ASH1L: variants seen among roughly 807,000 people sequenced by gnomAD.
ASH1L encodes the protein ASH1 like histone lysine methyltransferase.
In ASH1L, 23 loss-of-function variants were observed where a neutral mutation model predicts 269.0. The ratio of observed to expected loss-of-function variants is 0.09; its 90% CI spans 0.06 to 0.12. The LOEUF (loss-of-function observed/expected upper bound fraction) is 0.12. Among genes scored for constraint, ASH1L ranks in the 10% least tolerant of loss-of-function variants. ASH1L has a pLI of 1.00. For missense variants in ASH1L, 2,912 were observed against 3,567.8 expected, an observed-to-expected ratio of 0.82 and a Z score of 4.68; for synonymous variants, 1,187 against 1,253.5, an observed-to-expected ratio of 0.95 and a Z score of 1.12.
chr1:155,403,458 C>T (rs970285811), intron 6 of ASH1L, among the ~76,000 whole-genome samples: 2 of 152,170 alleles, frequency 1.3e-5, no homozygotes, highest in Non-Finnish European at 2.9e-5. Context: ...CTGTAAAACT[C>T]TAGACAAATT....
At chr1:155,513,765 G>A (rs1007748016) in intron 2 of ASH1L, among the ~76,000 whole-genome samples, 26 of 151,980 alleles carry the variant, frequency 1.7e-4, no homozygotes, top group Non-Finnish European at 2.6e-4. Context: ...AAAGCTGGAA[G>A]CAATACCAGT....
At position 155,419,131 on chromosome 1, in the gene ASH1L, T is replaced by G. The variant is rs568215403; in HGVS notation, c.5829-3208A>C. Among the ~76,000 whole-genome samples the G allele has an allele frequency of 1.9e-3, 285 of 152,150 alleles. 1 individual carries two copies. Among genetic ancestry groups the G allele is most frequent in the Non-Finnish European group, 3.3e-3 (225 of 68,006 alleles). On this transcript the variant is annotated intron_variant, in intron 5 of 27. Coordinates refer to ENST00000392403, the MANE Select transcript of ASH1L (RefSeq NM_018489.3). The stretch of plus-strand genomic sequence containing the variant: ...CGTTATAAAAAGGGGCCGAGCACAG[T>G]GGCTCATGCCTGTAATCCCAGCACT...
chr1:155,516,770 T>C (rs1354965314), intron 2 of ASH1L, among the ~76,000 whole-genome samples: 1 of 152,012 alleles, frequency 6.6e-6, no homozygotes, highest in African/African-American at 2.4e-5. Flanking sequence ...AAAAAAAAAT[T>C]AAAATTAATA....
In ASH1L at chr1:155,337,765, C is replaced by A. The variant is rs757654497; in HGVS notation, c.8804-14G>T. ...TCACATCAATGGCTGAAAACAGAAC[C>A]AAGGAGGCTCATCAAAATACCAATC... On this transcript the variant is annotated splice_polypyrimidine_tract_variant and intron_variant, in intron 27 of 27. Transcript: ENST00000392403. The A allele has an allele frequency of 3.7e-6, 6 of 1,609,300 alleles. No individual in the cohort carries two copies. Among genetic ancestry groups the A allele is most frequent in the South Asian group, 3.3e-5 (3 of 90,938 alleles).
chr1:155,338,196 C>G lies in ASH1L; in HGVS notation c.8696G>C (p.Ser2899Thr), dbSNP rs906842292. The G allele has an allele frequency of 6.2e-7, 1 of 1,614,028 alleles. No homozygotes were observed. Among genetic ancestry groups the G allele is most frequent in the South Asian group, 1.1e-5 (1 of 91,076 alleles). Reference sequence around the variant, plus strand: ...GGTACAGGTTGACTGGGGTTCTTGACTACTTTCCTCTGTTTTTTTTTCACC... The same window carrying G: ...GGTACAGGTTGACTGGGGTTCTTGAGTACTTTCCTCTGTTTTTTTTTCACC... ...SEGEKKTEES[S>T]QEPQSTCTPE... Residue 2899 changes from serine (S) to threonine (T), a missense_variant, in exon 27 of 28, where the codon AGT becomes ACT. By Grantham distance (58) the Ser-to-Thr change is moderately conservative. Transcript: ENST00000392403.
intron 2 of ASH1L, among the ~76,000 whole-genome samples, chr1:155,519,705 C>A (rs1284473572): frequency 1.3e-5 from 2 of 152,084 alleles, no homozygotes; most frequent in African/African-American, 2.4e-5. Flanking sequence ...ATTGCCCAGG[C>A]TGGAGTGCAG....
At chr1:155,374,449 C>T (rs898253196) in intron 10 of ASH1L, among the ~76,000 whole-genome samples, 6 of 152,176 alleles carry the variant, frequency 3.9e-5, no homozygotes, top group African/African-American at 9.7e-5. Context: ...AAAGGGCACA[C>T]GGCACACAGT....
chr1:155,343,590 AC>A lies in ASH1L; in HGVS notation c.8120+13del, dbSNP rs1263356169. On this transcript the variant is annotated intron_variant, in intron 23 of 27. Coordinates refer to ENST00000392403, the MANE Select transcript of ASH1L (RefSeq NM_018489.3). This position sits in a 1 kb window ranked among gnomAD's most constrained non-coding sequence, Gnocchi z 6.1. Reference sequence around the variant, plus strand: ...AGCACGGCTGGAAGAAAAGGACAGGACCTCAGCACGTACTTTTCATTCTTCC... The same window carrying A: ...AGCACGGCTGGAAGAAAAGGACAGGACTCAGCACGTACTTTTCATTCTTCC... 1.9e-6 allele frequency: 3 copies of A among 1,613,958 alleles called. No individual in the cohort carries two copies. In the South Asian group the frequency reaches 3.3e-5, roughly 18 times the overall value.
chr1:155,473,492 A>ATTTT (rs774259211), intron 3 of ASH1L, among the ~76,000 whole-genome samples: 1,345 of 127,698 alleles, frequency 0.011, 39 homozygotes, highest in African/African-American at 0.037. Context: ...TAGTATTTCT[A>ATTTT]TTTTTTTTTT....
At chr1:155,415,632 C>T in intron 6 of ASH1L, 112 bp downstream of exon 6, 1 of 1,286,370 alleles carries the variant, frequency 7.8e-7, no homozygotes, top group Non-Finnish European at 1.1e-6. Context: ...TGCAAAAACA[C>T]AATCATCACG....
At chr1:155,412,820 A>ACAC (rs1659909559) in intron 6 of ASH1L, among the ~76,000 whole-genome samples, 1 of 151,872 alleles carries the variant, frequency 6.6e-6, no homozygotes, top group Non-Finnish European at 1.5e-5. Flanking sequence ...TGAATTGAGG[A>ACAC]CACCCAGCTG....
chr1:155,378,218 A>T (rs961431408), intron 10 of ASH1L, 63 bp downstream of exon 10: 1 of 1,304,910 alleles, frequency 7.7e-7, no homozygotes, highest in African/African-American at 1.5e-5. Context: ...TGTACCCTCC[A>T]AAGGAAGTGT....
rs1246951305 is a variant in ASH1L, at chr1:155,381,319, C to A, written c.6104-1203G>T. ...CCTGTAATCCCAGCACTTTGGGAGG[C>A]CGAGGCAGGTAGATCACGAGGTCAG... On this transcript the variant is annotated intron_variant, in intron 7 of 27. Coordinates refer to ENST00000392403, the MANE Select transcript of ASH1L (RefSeq NM_018489.3). Among the ~76,000 whole-genome samples, 4 of 151,772 alleles carry A rather than the reference C, an allele frequency of 2.6e-5. No homozygotes were observed. In the East Asian group the frequency reaches 7.7e-4, roughly 29 times the overall value.
chr1:155,420,385 C>CA (rs1386590001), intron 5 of ASH1L, among the ~76,000 whole-genome samples: 1 of 123,586 alleles, frequency 8.1e-6, no homozygotes, highest in Non-Finnish European at 1.8e-5. Flanking sequence ...AAAACAAAAA[C>CA]AAAAAAACAA....
At chr1:155,411,586 AATATATATAT>A (rs368800129) in intron 6 of ASH1L, among the ~76,000 whole-genome samples, 17,970 of 55,512 alleles carry the variant, frequency 0.32, 2,816 homozygotes, top group Non-Finnish European at 0.37. Context: ...TAAATAAATA[AATATATATAT>A]ATATATATAT....
intron 27 of ASH1L, 51 bp from the exon 28 acceptor site, chr1:155,337,802 A>T: frequency 6.6e-7 from 1 of 1,525,766 alleles, no homozygotes; most frequent in Non-Finnish European, 9.1e-7. Context: ...CCTACTCCTT[A>T]TTCCAGATTT....
chr1:155,539,520 G>A (rs1198766787), intron 1 of ASH1L, among the ~76,000 whole-genome samples: 2 of 151,894 alleles, frequency 1.3e-5, no homozygotes, highest in Non-Finnish European at 2.9e-5. Context: ...GCAGTGGCAC[G>A]ATCATAGTTC....
At chr1:155,399,434 G>T (rs1332216125) in intron 6 of ASH1L, among the ~76,000 whole-genome samples, 2 of 152,170 alleles carry the variant, frequency 1.3e-5, no homozygotes, top group Non-Finnish European at 2.9e-5. Flanking sequence ...CCTGAGGTCG[G>T]GAGTTCAAGA....
At chr1:155,472,418 A>AC (rs1178071930) in intron 3 of ASH1L, among the ~76,000 whole-genome samples, 7 of 152,116 alleles carry the variant, frequency 4.6e-5, no homozygotes, top group Non-Finnish European at 8.8e-5. Context: ...CACCATTTTC[A>AC]CCCCAACTTC....
Sources: gnomAD v4.1 joint callset for allele counts (sites outside exome capture counted in the v4.1 genomes callset) on GRCh38, gnomAD v4.1.1 for gene constraint, Gnocchi (gnomAD v3.1) non-coding constraint, MANE v1.5 for transcripts, NCBI Gene and HGNC (gene_info 2026-07-23, HGNC 2026-07-21) for gene names.